The following ARHGAP26 variants were observed in gnomAD, a reference collection of about 807,000 sequenced individuals.
The protein encoded by ARHGAP26 is Rho GTPase activating protein 26.
In ARHGAP26, 38 loss-of-function variants were observed where a neutral mutation model predicts 104.8. That is an observed-to-expected ratio of 0.36 (90% CI 0.28 to 0.48). The LOEUF (loss-of-function observed/expected upper bound fraction) is 0.48, where lower values mean the gene tolerates loss of function less well. Ranked by LOEUF, ARHGAP26 falls within the 20% of genes least tolerant of loss-of-function variation. The pLI is 0.99. For missense variants in ARHGAP26, 704 were observed against 947.9 expected (o/e 0.74, Z 3.38); for synonymous variants, 341 against 340.0 (o/e 1.00, Z -0.03).
intron 8 of ARHGAP26, among the ~76,000 whole-genome samples, chr5:142,906,225 G>A (rs1761085987): frequency 6.6e-6 from 1 of 152,102 alleles, no homozygotes. Context: ...ACCCAGTCAA[G>A]GTATTGTCTG....
intron 20 of ARHGAP26, among the ~76,000 whole-genome samples, chr5:143,161,536 G>T (rs1401549102): frequency 6.6e-6 from 1 of 152,108 alleles, no homozygotes. Context: ...TTTTAAAGCA[G>T]AATATATAAT....
chr5:142,871,759 G>C lies in ARHGAP26; in HGVS notation c.155-1641G>C, dbSNP rs1446974940. Among the ~76,000 whole-genome samples the C allele has an allele frequency of 6.6e-6, 1 of 152,160 alleles. No homozygotes were observed. The stretch of plus-strand genomic sequence containing the variant: ...GTGTTCTGAGGGATAGCCTCAGCCT[G>C]GGCTGGCCATTTTTGTCAGATGCCT... On this transcript the variant is annotated intron_variant, in intron 1 of 22. Transcript: ENST00000645722. The surrounding 1 kb of genome is among the most constrained non-coding windows in gnomAD (Gnocchi z 4.1).
At chr5:143,068,071 C>T (rs148270895) in intron 17 of ARHGAP26, among the ~76,000 whole-genome samples, 4,232 of 152,060 alleles carry the variant, frequency 0.028, 184 homozygotes, top group African/African-American at 0.095. Context: ...GGCTGAGGTA[C>T]GAGAATCGCT....
intron 10 of ARHGAP26, among the ~76,000 whole-genome samples, chr5:142,930,504 A>C (rs1326123970): frequency 2.0e-5 from 3 of 152,098 alleles, no homozygotes; most frequent in Non-Finnish European, 4.4e-5. Context: ...TGTGACCTTC[A>C]TGGGAATGAC....
chr5:143,174,756 T>G (rs939788427), intron 20 of ARHGAP26, among the ~76,000 whole-genome samples: 1 of 152,236 alleles, frequency 6.6e-6, no homozygotes, highest in Non-Finnish European at 1.5e-5. Context: ...CAGGCAACTT[T>G]TTAGCAATAT....
intron 12 of ARHGAP26, among the ~76,000 whole-genome samples, chr5:143,015,905 G>A (rs892049398): frequency 1.3e-5 from 2 of 152,226 alleles, no homozygotes; most frequent in African/African-American, 2.4e-5. Flanking sequence ...AAGGCATTTC[G>A]AGGATATGCT....
chr5:142,946,816 T>G (rs1767179344), intron 11 of ARHGAP26: 1 of 152,186 alleles, frequency 6.6e-6, no homozygotes, highest in African/African-American at 2.4e-5. Flanking sequence ...TTCTTTTTAG[T>G]TGTGTTCCCC....
chr5:142,803,024 C>T (rs1188465545), intron 1 of ARHGAP26, among the ~76,000 whole-genome samples: 1 of 152,112 alleles, frequency 6.6e-6, no homozygotes, highest in Non-Finnish European at 1.5e-5. Context: ...GGGAGATACC[C>T]CTTAATCCAG....
chr5:143,026,048 T>C (rs1781003334), intron 12 of ARHGAP26, among the ~76,000 whole-genome samples: 1 of 152,154 alleles, frequency 6.6e-6, no homozygotes, highest in Non-Finnish European at 1.5e-5. Flanking sequence ...GAGGTCAGGG[T>C]ATGAATGAGA....
At position 142,983,299 on chromosome 5, in the gene ARHGAP26, C is replaced by T. The variant is rs183034089; in HGVS notation, c.1108-30781C>T. ...TCTGCTCATTGCAACCTCCACCTCC[C>T]GGGTTCAAGCGACCCTCCTGCCTCA... On this transcript the variant is annotated intron_variant, in intron 11 of 22. Transcript: ENST00000645722. Among the ~76,000 whole-genome samples the T allele has an allele frequency of 1.5e-3, 236 of 152,278 alleles. 3 individuals are homozygous for T. Among genetic ancestry groups the T allele is most frequent in the Admixed American group, 0.013 (195 of 15,294 alleles).
At chr5:142,963,198 A>G (rs28657831) in intron 11 of ARHGAP26, among the ~76,000 whole-genome samples, 5,943 of 97,706 alleles carry the variant, frequency 0.061, 258 homozygotes, top group African/African-American at 0.12. Context: ...ATATATATAT[A>G]TGTGTGTGTG....
chr5:143,150,609 G>C (rs1252662488), intron 20 of ARHGAP26, among the ~76,000 whole-genome samples: 2 of 152,146 alleles, frequency 1.3e-5, no homozygotes, highest in African/African-American at 4.8e-5. Context: ...GGAGGAGGGA[G>C]CTGGAATTCC....
chr5:142,810,555 C>A (rs1763877275), intron 1 of ARHGAP26, among the ~76,000 whole-genome samples: 1 of 152,056 alleles, frequency 6.6e-6, no homozygotes, highest in Non-Finnish European at 1.5e-5. Context: ...AAAACTTAAT[C>A]TCTGTAAACT....
At chr5:142,883,299 C>A (rs1374380438) in intron 4 of ARHGAP26, among the ~76,000 whole-genome samples, 1 of 152,170 alleles carries the variant, frequency 6.6e-6, no homozygotes, top group Non-Finnish European at 1.5e-5. Context: ...GGAGCGGATA[C>A]ATGTGAGCAG....
At position 142,770,538 on chromosome 5, in the gene ARHGAP26, C is replaced by A; in HGVS notation, c.-224C>A. 1 of 207,016 alleles carries A rather than the reference C, an allele frequency of 4.8e-6. No individual in the cohort carries two copies. Among genetic ancestry groups the A allele is most frequent in the Non-Finnish European group, 9.4e-6 (1 of 106,240 alleles). The allele number at this position is 207,016 out of a possible 1,614,324, so 12.8% of individuals were successfully genotyped here. A position where few individuals can be genotyped will look rare whatever the true frequency, so the allele number is the denominator to read the frequency against. ...CGCTGCGTTTCCTGCTCGCGATCCG[C>A]TCCGTTGCCCGCGCCCGGAACAGCA... On this transcript the variant is annotated 5_prime_UTR_variant, in exon 1 of 23. Coordinates refer to ENST00000645722, the MANE Select transcript of ARHGAP26 (RefSeq NM_001135608.3).
At chr5:142,866,376 T>C (rs1754283613) in intron 1 of ARHGAP26, among the ~76,000 whole-genome samples, 3 of 152,228 alleles carry the variant, frequency 2.0e-5, no homozygotes, top group Admixed American at 2.0e-4. Flanking sequence ...GCACGTTATT[T>C]AACCTCTCTG....
intron 12 of ARHGAP26, among the ~76,000 whole-genome samples, chr5:143,033,428 C>A (rs1210377482): frequency 3.9e-5 from 6 of 152,218 alleles, no homozygotes; most frequent in East Asian, 3.9e-4. Context: ...TTATTCTTTT[C>A]CAGTAAATAT....
In ARHGAP26 at chr5:143,191,674, G is replaced by T. The variant is rs140352973; in HGVS notation, c.1989-15524G>T. 5.9e-5 allele frequency among the ~76,000 whole-genome samples: 9 copies of T among 152,306 alleles called. No homozygotes were observed. The East Asian group carries it at 1.7e-3, about 29-fold the overall frequency. ...CAGATGTGACAAACGTCATGAAGGT[G>T]GGACACTCATGACTGAGTTTGGGCG... On this transcript the variant is annotated intron_variant, in intron 20 of 22. Coordinates refer to ENST00000645722, the MANE Select transcript of ARHGAP26 (RefSeq NM_001135608.3).
chr5:142,785,350 T>C (rs1489035843), intron 1 of ARHGAP26, among the ~76,000 whole-genome samples: 1 of 152,228 alleles, frequency 6.6e-6, no homozygotes, highest in Non-Finnish European at 1.5e-5. Flanking sequence ...CACCAGGATG[T>C]TCCGACCTGG....
Sources: allele counts gnomAD v4.1 joint callset (sites outside exome capture counted in the v4.1 genomes callset), GRCh38; gene constraint gnomAD v4.1.1; non-coding constraint Gnocchi (gnomAD v3.1); transcripts MANE v1.5; gene names NCBI Gene and HGNC (gene_info 2026-07-23, HGNC 2026-07-21).